Variants in UGGT2 observed in about 807,000 individuals in gnomAD.
UGGT2 encodes UDP-glucose glycoprotein glucosyltransferase 2.
In UGGT2, 180 loss-of-function variants were observed where a neutral mutation model predicts 192.1. The ratio of observed to expected loss-of-function variants is 0.94; its 90% CI spans 0.83 to 1.06. The LOEUF (loss-of-function observed/expected upper bound fraction) is 1.06, where lower values mean the gene tolerates loss of function less well. Among genes scored for constraint, UGGT2 ranks in the 50% least tolerant of loss-of-function variants. The pLI is 0.00. For missense variants in UGGT2, 1,849 were observed against 1,795.7 expected (o/e 1.03, Z -0.54); for synonymous variants, 580 against 591.0 (o/e 0.98, Z 0.27).
At chr13:95,873,689 T>C (rs1423841701) in intron 29 of UGGT2, among the ~76,000 whole-genome samples, 1 of 152,204 alleles carries the variant, frequency 6.6e-6, no homozygotes, top group African/African-American at 2.4e-5. Context: ...GATAAATCTT[T>C]GAACTTATTT....
chr13:96,049,735 T>A (rs1261239653), intron 1 of UGGT2, among the ~76,000 whole-genome samples: 1 of 152,010 alleles, frequency 6.6e-6, no homozygotes, highest in African/African-American at 2.4e-5. Context: ...CACAATTGCT[T>A]CAAAGAGAAT....
rs570092589 is a variant in UGGT2 at position 95,819,648 on chromosome 13, T to C, written c.4528+13279A>G. 6.4e-4 allele frequency among the ~76,000 whole-genome samples: 97 copies of C among 152,268 alleles called. No homozygotes were observed. The Middle Eastern group carries it at 0.01, about 16-fold the overall frequency. On this transcript the variant is annotated intron_variant, in intron 38 of 38. Transcript: ENST00000376747. Reference sequence around the variant, plus strand: ...GGCCACAAAGAAAACAACAATAGATTGTAAAAGGAAGAAATAATACAGACA... The same window carrying C: ...GGCCACAAAGAAAACAACAATAGATCGTAAAAGGAAGAAATAATACAGACA...
chr13:95,817,592 A>T (rs1885037109), intron 38 of UGGT2, among the ~76,000 whole-genome samples: 2 of 152,192 alleles, frequency 1.3e-5, no homozygotes, highest in African/African-American at 4.8e-5. Flanking sequence ...AAAACACAAA[A>T]ACATTGGAAG....
intron 7 of UGGT2, chr13:95,990,716 A>G (rs1456723178): frequency 6.6e-6 from 1 of 152,170 alleles, no homozygotes; most frequent in Non-Finnish European, 1.5e-5. Context: ...AGCACAACTT[A>G]CAAAATACAT....
In UGGT2 at chr13:96,049,955, T is replaced by C. The variant is rs551544192; in HGVS notation, c.158+3200A>G. Among the ~76,000 whole-genome samples, 156 of 152,292 alleles carry C rather than the reference T, an allele frequency of 1.0e-3. 1 individual carries two copies. The highest frequency in any genetic ancestry group is 3.5e-3 in the African/African-American group (146 of 41,546). On this transcript the variant is annotated intron_variant, in intron 1 of 38. Coordinates refer to ENST00000376747, the MANE Select transcript of UGGT2 (RefSeq NM_020121.4). ...ATCCCCATCAAGCTACCAATGACTT[T>C]CTTCACAAAATTGGAAAAAACTACT... is the stretch of plus-strand genomic sequence containing the variant.
chr13:95,958,308 T>C (rs548964), intron 12 of UGGT2, among the ~76,000 whole-genome samples: 147,858 of 152,114 alleles, frequency 0.97, 72,014 homozygotes, highest in East Asian at 1. Flanking sequence ...CCCGCCACCA[T>C]GCCCGGCTAA....
intron 2 of UGGT2, 100 bp downstream of exon 2, chr13:96,031,789 G>A (rs906769590): frequency 5.0e-6 from 4 of 800,064 alleles, no homozygotes; most frequent in Non-Finnish European, 7.7e-6. Context: ...CTAACCCAGT[G>A]AAGCATTCAC....
chr13:95,882,155 A>G (rs570841313), intron 27 of UGGT2, among the ~76,000 whole-genome samples: 3 of 151,868 alleles, frequency 2.0e-5, no homozygotes, highest in Admixed American at 1.3e-4. Context: ...TGATCCACCC[A>G]CGTTGGCCTG....
chr13:95,894,151 C>T (rs1175527827), intron 24 of UGGT2, among the ~76,000 whole-genome samples: 2 of 152,196 alleles, frequency 1.3e-5, no homozygotes, highest in South Asian at 2.1e-4. Context: ...TTTGAACTCT[C>T]GCGCATGCAT....
At chr13:95,922,554 GC>G (rs1476380823) in intron 20 of UGGT2, among the ~76,000 whole-genome samples, 1 of 152,154 alleles carries the variant, frequency 6.6e-6, no homozygotes, top group Non-Finnish European at 1.5e-5. Context: ...AGGCACAGTG[GC>G]TCACGCCTGT....
At chr13:95,868,881 CTGT>C (rs970132417) in intron 29 of UGGT2, among the ~76,000 whole-genome samples, 1 of 151,382 alleles carries the variant, frequency 6.6e-6, no homozygotes, top group African/African-American at 2.4e-5. Flanking sequence ...ACTTCAGGCA[CTGT>C]TTTTTTTTTA....
chr13:95,905,590 A>G (rs2048261885), intron 20 of UGGT2, among the ~76,000 whole-genome samples: 1 of 151,892 alleles, frequency 6.6e-6, no homozygotes, highest in Non-Finnish European at 1.5e-5. Flanking sequence ...CAGGTTTGTC[A>G]AAGATCAGAT....
chr13:96,053,319 G>T lies in UGGT2; in HGVS notation c.-7C>A. On this transcript the variant is annotated 5_prime_UTR_variant, in exon 1 of 39. Coordinates refer to ENST00000376747, the MANE Select transcript of UGGT2 (RefSeq NM_020121.4). ...TGGCTTTCGCTGGCGCCATGGCACG[G>T]AGAGAAAAGCGCGAGTCCCTCGGAC... 1 of 1,581,314 alleles carries T rather than the reference G, an allele frequency of 6.3e-7. No individual in the cohort carries two copies. Among genetic ancestry groups the T allele is most frequent in the South Asian group, 1.1e-5 (1 of 87,902 alleles).
chr13:95,972,821 C>A (rs914458144), intron 10 of UGGT2, 150 bp from the exon 11 acceptor site: 57 of 596,922 alleles, frequency 9.5e-5, no homozygotes, highest in Non-Finnish European at 4.1e-5. Context: ...TGATCTCTGC[C>A]TTTGTATCTT....
intron 12 of UGGT2, among the ~76,000 whole-genome samples, chr13:95,958,085 A>G (rs1161403628): frequency 6.6e-6 from 1 of 152,128 alleles, no homozygotes; most frequent in Non-Finnish European, 1.5e-5. Context: ...CTGAATCTGA[A>G]GTTTCTGATG....
chr13:95,911,155 C>A (rs960098953), intron 20 of UGGT2, among the ~76,000 whole-genome samples: 4 of 152,116 alleles, frequency 2.6e-5, no homozygotes, highest in African/African-American at 7.2e-5. Context: ...AAAATCAACA[C>A]CCTAACATCA....
intron 19 of UGGT2, 51 bp downstream of exon 19, chr13:95,926,977 T>A: frequency 6.7e-7 from 1 of 1,487,116 alleles, no homozygotes; most frequent in Non-Finnish European, 9.1e-7. Context: ...TTATGAACAT[T>A]ACAAGTTTCT....
rs532903400 is a variant in UGGT2 at position 95,973,426 on chromosome 13, T to C, written c.1093-755A>G. 1.7e-4 allele frequency among the ~76,000 whole-genome samples: 26 copies of C among 152,352 alleles called. No individual in the cohort carries two copies. The South Asian group carries it at 3.7e-3, about 22-fold the overall frequency. On this transcript the variant is annotated intron_variant, in intron 10 of 38. Coordinates refer to ENST00000376747, the MANE Select transcript of UGGT2 (RefSeq NM_020121.4). Reference sequence around the variant, plus strand: ...TTCATATAGTGTGTGTATGTGTACATATACAATTTGCTAGTTGGCACATTC... The same window carrying C: ...TTCATATAGTGTGTGTATGTGTACACATACAATTTGCTAGTTGGCACATTC...
chr13:95,956,439 A>G (rs957967213), intron 12 of UGGT2, among the ~76,000 whole-genome samples: 64 of 152,356 alleles, frequency 4.2e-4, no homozygotes, highest in African/African-American at 1.5e-3. Context: ...AATATCCAGA[A>G]TATATAAAGG....
Sources: allele counts gnomAD v4.1 joint callset (sites outside exome capture counted in the v4.1 genomes callset), GRCh38; gene constraint gnomAD v4.1.1; transcripts MANE v1.5; gene names NCBI Gene and HGNC (gene_info 2026-07-23, HGNC 2026-07-21).